LYRM4: variants seen among roughly 807,000 people sequenced by gnomAD.
LYRM4 encodes the protein LYR motif containing 4.
LYRM4 carries 9 observed loss-of-function variants against 11.7 expected under a neutral mutation model. That is an observed-to-expected ratio of 0.77 (90% CI 0.46 to 1.34). The LOEUF is 1.34. Among genes scored for constraint, LYRM4 ranks in the 40% most tolerant of loss-of-function variants. LYRM4 has a pLI of 0.00. For synonymous variants in LYRM4, 42 were observed against 40.4 expected, an observed-to-expected ratio of 1.04 and a Z score of -0.15; for missense variants, 133 against 112.5, an observed-to-expected ratio of 1.18 and a Z score of -0.82.
intron 2 of LYRM4, among the ~76,000 whole-genome samples, chr6:5,178,834 G>C (rs866704326): frequency 2.5e-5 from 1 of 39,592 alleles, no homozygotes; most frequent in South Asian, 9.6e-4. Context: ...AAAAAAAAAA[G>C]AGTTTCCTCT....
At chr6:5,248,474 C>T (rs1268991508) in intron 1 of LYRM4, among the ~76,000 whole-genome samples, 6 of 152,250 alleles carry the variant, frequency 3.9e-5, no homozygotes, top group Non-Finnish European at 8.8e-5. Context: ...TATCTTAGCA[C>T]AGCATACAAA....
intron 1 of LYRM4, chr6:5,240,866 G>A (rs1763835745): frequency 6.6e-6 from 1 of 152,240 alleles, no homozygotes; most frequent in Non-Finnish European, 1.5e-5. Flanking sequence ...CCCACTTGGA[G>A]GGACACTGGA....
At position 5,109,365 on chromosome 6, in the gene LYRM4, C is replaced by T. The variant is rs1399251899; in HGVS notation, c.*58G>A. The T allele has an allele frequency of 6.2e-7, 1 of 1,609,914 alleles. No homozygotes were observed. The highest frequency in any genetic ancestry group is 8.5e-7 in the Non-Finnish European group (1 of 1,176,996). The stretch of plus-strand genomic sequence containing the variant: ...TGGTTTTGGGAGCCCCCATCTCAAA[C>T]AGAGAGTGGATGCTGAAGGTGGTCC... On this transcript the variant is annotated 3_prime_UTR_variant, in exon 3 of 3. Transcript: ENST00000330636.
intron 1 of LYRM4, among the ~76,000 whole-genome samples, chr6:5,235,080 T>C (rs866891471): frequency 3.3e-5 from 5 of 152,170 alleles, no homozygotes; most frequent in South Asian, 2.1e-4. Context: ...TTGGCCCCTT[T>C]CCATCATTAC....
At chr6:5,182,822 C>G (rs938654226) in intron 2 of LYRM4, among the ~76,000 whole-genome samples, 1 of 152,118 alleles carries the variant, frequency 6.6e-6, no homozygotes, top group South Asian at 2.1e-4. Context: ...ATTCATGGAC[C>G]TTCTATATTT....
downstream of LYRM4, among the ~76,000 whole-genome samples, chr6:5,100,178 C>T (rs1440601349): frequency 3.3e-5 from 5 of 152,202 alleles, no homozygotes; most frequent in Admixed American, 2.6e-4. Flanking sequence ...TAAAACCCAG[C>T]ATGTGCCAAA....
intron 2 of LYRM4, chr6:5,138,665 A>C: frequency 3.4e-6 from 5 of 1,458,264 alleles, no homozygotes; most frequent in Non-Finnish European, 4.6e-6. Flanking sequence ...CATGCTCCCC[A>C]CTGAAAACAC....
intron 2 of LYRM4, among the ~76,000 whole-genome samples, chr6:5,114,877 T>C (rs922751845): frequency 2.6e-5 from 4 of 152,258 alleles, no homozygotes; most frequent in Non-Finnish European, 5.9e-5. Context: ...TCTAAATATT[T>C]AGTTGCATTT....
intron 2 of LYRM4, among the ~76,000 whole-genome samples, chr6:5,123,249 C>G (rs1763543413): frequency 1.3e-5 from 2 of 152,180 alleles, no homozygotes. Context: ...CCAACCCCAG[C>G]CTCGGGAAGG....
chr6:5,083,930 C>T, the LYRM4 span, among the ~76,000 whole-genome samples: 1 of 152,172 alleles, frequency 6.6e-6, no homozygotes, highest in Admixed American at 6.5e-5. Flanking sequence ...ATCAGCATCC[C>T]CTTGTTAGAA....
At chr6:5,152,282 G>A (rs998468003) in intron 2 of LYRM4, among the ~76,000 whole-genome samples, 1 of 152,120 alleles carries the variant, frequency 6.6e-6, no homozygotes, top group Admixed American at 6.6e-5. Flanking sequence ...CTGCTTCCCT[G>A]ATCAGCTGCA....
chr6:5,222,591 T>C (rs2127731250), intron 1 of LYRM4, among the ~76,000 whole-genome samples: 1 of 152,276 alleles, frequency 6.6e-6, no homozygotes, highest in Admixed American at 6.5e-5. Context: ...TTCTCTTGAA[T>C]GGGGCGGTGT....
the LYRM4 span, among the ~76,000 whole-genome samples, chr6:5,076,964 A>G: frequency 1.3e-5 from 2 of 152,222 alleles, no homozygotes; most frequent in Admixed American, 6.5e-5. Context: ...AAGAGAGGCC[A>G]TATCTTCTAC....
chr6:5,091,145 C>T, the LYRM4 span, among the ~76,000 whole-genome samples: 2 of 152,200 alleles, frequency 1.3e-5, no homozygotes, highest in African/African-American at 4.8e-5. Flanking sequence ...TCCAGCCAGT[C>T]CCCAAGATGC....
At chr6:5,076,712 T>C in the LYRM4 span, among the ~76,000 whole-genome samples, 16 of 152,318 alleles carry the variant, frequency 1.1e-4, no homozygotes, top group Middle Eastern at 3.4e-3. Context: ...GCTAGCAGCA[T>C]TCTGAGGGTG....
the LYRM4 span, among the ~76,000 whole-genome samples, chr6:5,046,042 G>C: frequency 6.6e-6 from 1 of 152,174 alleles, no homozygotes; most frequent in Non-Finnish European, 1.5e-5. Context: ...CATTCCCCTA[G>C]GCACAGGAGT....
intron 2 of LYRM4, among the ~76,000 whole-genome samples, chr6:5,201,073 G>C (rs1259912958): frequency 6.6e-6 from 1 of 152,102 alleles, no homozygotes; most frequent in Non-Finnish European, 1.5e-5. Context: ...ATTGGTTATG[G>C]TTTTTCTTTC....
At chr6:5,124,600 G>A (rs554103257) in intron 2 of LYRM4, among the ~76,000 whole-genome samples, 3 of 152,240 alleles carry the variant, frequency 2.0e-5, no homozygotes, top group Middle Eastern at 3.4e-3. Flanking sequence ...GATGGGATTC[G>A]ACTTCAATCA....
intron 1 of LYRM4, among the ~76,000 whole-genome samples, chr6:5,234,613 G>C (rs1045700997): frequency 6.6e-6 from 1 of 152,140 alleles, no homozygotes; most frequent in Non-Finnish European, 1.5e-5. Flanking sequence ...TTTCTGCAAC[G>C]GCAGGCTAAT....
Sources: gnomAD v4.1 joint callset for allele counts (sites outside exome capture counted in the v4.1 genomes callset) on GRCh38, gnomAD v4.1.1 for gene constraint, MANE v1.5 for transcripts, NCBI Gene and HGNC (gene_info 2026-07-23, HGNC 2026-07-21) for gene names.